TMEM132C: variants seen among roughly 807,000 people sequenced by gnomAD.
TMEM132C encodes transmembrane protein 132C, also known as protein phosphatase 1, regulatory subunit 152.
In TMEM132C, 29 loss-of-function variants were observed where a neutral mutation model predicts 61.4. The observed-to-expected ratio is 0.47, with a 90% CI of 0.35 to 0.64. TMEM132C has a LOEUF of 0.64. TMEM132C is among the 30% of genes least tolerant of loss of function. The probability of loss-of-function intolerance (pLI) is 0.00; values close to 1 mark genes in which losing one functional copy is unlikely to be tolerated. For synonymous variants in TMEM132C, 656 were observed against 633.1 expected, an observed-to-expected ratio of 1.04 and a Z score of -0.54; for missense variants, 1,408 against 1,476.9, an observed-to-expected ratio of 0.95 and a Z score of 0.76.
intron 2 of TMEM132C, among the ~76,000 whole-genome samples, chr12:128,524,879 A>G (rs1361556065): frequency 6.6e-6 from 1 of 152,148 alleles, no homozygotes; most frequent in Non-Finnish European, 1.5e-5. Context: ...ATGCTTTCTT[A>G]TCCCTGCTTT....
At chr12:128,678,726 G>T (rs1954612312) in intron 5 of TMEM132C, among the ~76,000 whole-genome samples, 1 of 152,294 alleles carries the variant, frequency 6.6e-6, no homozygotes, top group Admixed American at 6.5e-5. Flanking sequence ...GCATCTAGTG[G>T]TTAGAAGTTA....
intron 1 of TMEM132C, among the ~76,000 whole-genome samples, chr12:128,276,656 C>T (rs1206544635): frequency 6.6e-6 from 1 of 152,118 alleles, no homozygotes; most frequent in East Asian, 1.9e-4. Context: ...TTTCATCCTT[C>T]TTGCTCAATT....
intron 2 of TMEM132C, among the ~76,000 whole-genome samples, chr12:128,433,275 G>GGT (rs1869457979): frequency 6.6e-6 from 1 of 152,080 alleles, no homozygotes; most frequent in African/African-American, 2.4e-5. Flanking sequence ...GTATCACTGA[G>GGT]GTGTGTGTAT....
chr12:128,535,912 G>C (rs1489371831), intron 2 of TMEM132C, among the ~76,000 whole-genome samples: 2 of 151,994 alleles, frequency 1.3e-5, no homozygotes, highest in East Asian at 3.9e-4. Context: ...AAAGGATGTG[G>C]AGAAATAGGA....
At chr12:128,443,452 A>G (rs530859319) in intron 2 of TMEM132C, among the ~76,000 whole-genome samples, 1 of 152,354 alleles carries the variant, frequency 6.6e-6, no homozygotes, top group East Asian at 1.9e-4. Context: ...AAAAGCATAC[A>G]TTTAAACATT....
chr12:128,511,376 T>C (rs940189755), intron 2 of TMEM132C, among the ~76,000 whole-genome samples: 49 of 152,218 alleles, frequency 3.2e-4, no homozygotes, highest in South Asian at 6.2e-4. Flanking sequence ...CTGACACCAT[T>C]TCAAGTTTAG....
At chr12:128,567,429 G>C (rs865841029) in intron 3 of TMEM132C, among the ~76,000 whole-genome samples, 1 of 136,238 alleles carries the variant, frequency 7.3e-6, no homozygotes, top group Non-Finnish European at 1.6e-5. Flanking sequence ...CATACCCATA[G>C]ACACACACAC....
chr12:128,306,645 G>GT (rs1161945097), intron 1 of TMEM132C, among the ~76,000 whole-genome samples: 5 of 152,146 alleles, frequency 3.3e-5, no homozygotes, highest in Non-Finnish European at 7.4e-5. Flanking sequence ...TATCTATTTA[G>GT]TTATTTTTAG....
At chr12:128,665,972 TGTACCCGTAA>T (rs1954464618) in intron 4 of TMEM132C, among the ~76,000 whole-genome samples, 3 of 112,968 alleles carry the variant, frequency 2.7e-5, no homozygotes, top group South Asian at 3.1e-4. Context: ...CACGGGCACA[TGTACCCGTAA>T]ACACACAGGC....
chr12:128,320,517 A>G (rs989037742), intron 1 of TMEM132C, among the ~76,000 whole-genome samples: 3 of 152,202 alleles, frequency 2.0e-5, no homozygotes, highest in Non-Finnish European at 2.9e-5. Context: ...TGTAATCCCA[A>G]CACTTAGGTA....
In TMEM132C at chr12:128,706,590, A is replaced by T; in HGVS notation, c.*295A>T. The T allele has an allele frequency of 3.5e-6, 1 of 284,262 alleles. No individual in the cohort carries two copies. The highest frequency in any genetic ancestry group is 6.5e-6 in the Non-Finnish European group (1 of 153,762). The allele number at this position is 284,262 out of a possible 1,614,324, so 17.6% of individuals were successfully genotyped here. A position where few individuals can be genotyped will look rare whatever the true frequency, so the allele number is the denominator to read the frequency against. On this transcript the variant is annotated 3_prime_UTR_variant, in exon 9 of 9. Coordinates refer to ENST00000435159, the MANE Select transcript of TMEM132C (RefSeq NM_001136103.3). Reference sequence around the variant, plus strand: ...AAGGTTATTTTATGAGTCAAAACATACTACAGACAAGCTACCAAAAATTAT... The same window carrying T: ...AAGGTTATTTTATGAGTCAAAACATTCTACAGACAAGCTACCAAAAATTAT...
intron 1 of TMEM132C, among the ~76,000 whole-genome samples, chr12:128,339,677 TAAAA>T (rs35420656): frequency 7.4e-6 from 1 of 135,976 alleles, no homozygotes; most frequent in Non-Finnish European, 1.6e-5. Flanking sequence ...ACACCAGTAC[TAAAA>T]AAAAAAAAAA....
chr12:128,682,692 T>C (rs1310511622), intron 5 of TMEM132C, among the ~76,000 whole-genome samples: 1 of 152,088 alleles, frequency 6.6e-6, no homozygotes, highest in African/African-American at 2.4e-5. Context: ...CCGCCCCAGG[T>C]GGGAGTGGTG....
intron 1 of TMEM132C, among the ~76,000 whole-genome samples, chr12:128,395,630 C>CT (rs1874925087): frequency 6.6e-6 from 1 of 152,180 alleles, no homozygotes; most frequent in Non-Finnish European, 1.5e-5. Context: ...AACACAAAGC[C>CT]TGTTTTATGA....
chr12:128,629,350 G>A (rs1273302733), intron 4 of TMEM132C, among the ~76,000 whole-genome samples: 2 of 151,644 alleles, frequency 1.3e-5, no homozygotes, highest in Non-Finnish European at 2.9e-5. Context: ...CCTTGTCTCT[G>A]CAAAAAAAAT....
chr12:128,490,919 A>T (rs76775565), intron 2 of TMEM132C, among the ~76,000 whole-genome samples: 13 of 152,176 alleles, frequency 8.5e-5, no homozygotes. Flanking sequence ...CTAAGCCCTC[A>T]TTGCCTTATC....
intron 2 of TMEM132C, among the ~76,000 whole-genome samples, chr12:128,460,448 G>A (rs1217633661): frequency 1.3e-5 from 2 of 152,106 alleles, no homozygotes; most frequent in Non-Finnish European, 2.9e-5. Flanking sequence ...CTGCTTCCTA[G>A]TGGCTTCTAT....
In TMEM132C at chr12:128,535,634, C is replaced by T. The variant is rs138465648; in HGVS notation, c.975-8323C>T. 1.1e-3 allele frequency among the ~76,000 whole-genome samples: 162 copies of T among 152,218 alleles called. 4 individuals are homozygous for T. Among genetic ancestry groups the T allele is most frequent in the African/African-American group, 3.5e-3 (145 of 41,554 alleles). Reference sequence around the variant, plus strand: ...CTGTAATCCCAGCCCTTTGGGAAGCCGAAGCAGGCAGACCACGAAGTCAGG... The same window carrying T: ...CTGTAATCCCAGCCCTTTGGGAAGCTGAAGCAGGCAGACCACGAAGTCAGG... On this transcript the variant is annotated intron_variant, in intron 2 of 8. Coordinates refer to ENST00000435159, the MANE Select transcript of TMEM132C (RefSeq NM_001136103.3).
At position 128,686,903 on chromosome 12, in the gene TMEM132C, A is replaced by C. The variant is rs989758891; in HGVS notation, c.1450-6926A>C. On this transcript the variant is annotated intron_variant, in intron 5 of 8. Coordinates refer to ENST00000435159, the MANE Select transcript of TMEM132C (RefSeq NM_001136103.3). Reference sequence around the variant, plus strand: ...AGGTTCGGGGGAGTTGCCATTTAAAATGGAAATGTCAGGTTGGACATGGTA... The same window carrying C: ...AGGTTCGGGGGAGTTGCCATTTAAACTGGAAATGTCAGGTTGGACATGGTA... Among the ~76,000 whole-genome samples, 7 of 152,246 alleles carry C rather than the reference A, an allele frequency of 4.6e-5. No individual in the cohort carries two copies. In the East Asian group the frequency reaches 7.7e-4, roughly 17 times the overall value.
Sources: gnomAD v4.1 joint callset for allele counts (sites outside exome capture counted in the v4.1 genomes callset) on GRCh38, gnomAD v4.1.1 for gene constraint, MANE v1.5 for transcripts, NCBI Gene and HGNC (gene_info 2026-07-23, HGNC 2026-07-21) for gene names.